HAUS2: variants seen among roughly 807,000 people sequenced by gnomAD.
HAUS2 encodes HAUS augmin-like complex subunit 2.
Under a neutral mutation model 21.6 loss-of-function variants are expected in HAUS2, and 20 were observed. The observed-to-expected ratio is 0.93, with a 90% confidence interval of 0.65 to 1.35. The LOEUF is 1.35. Ranked by LOEUF, HAUS2 falls within the 40% of genes most tolerant of loss-of-function variation. The pLI, the probability that HAUS2 is intolerant of heterozygous loss-of-function variation, is 0.00. For synonymous variants in HAUS2, 113 were observed against 95.6 expected (o/e 1.18, Z -1.06); for missense variants, 297 against 280.7 (o/e 1.06, Z -0.42).
intron 5 of HAUS2, among the ~76,000 whole-genome samples, chr15:42,564,322 T>TA (rs1187372290): frequency 1.3e-5 from 2 of 151,790 alleles, no homozygotes; most frequent in Non-Finnish European, 2.9e-5. Context: ...ACCTTGGATT[T>TA]AACATTTTCT....
rs2057937412 is a variant in HAUS2, at chr15:42,569,293, TTTCC to T, written c.*2480_*2483del. On this transcript the variant is annotated 3_prime_UTR_variant, in exon 6 of 6. Coordinates refer to ENST00000260372, the MANE Select transcript of HAUS2 (RefSeq NM_018097.3). Reference sequence around the variant, plus strand: ...TTTTGTTTTTTGTTTTGTTCTTTTCTTTCCTTTTTTTTTTTTTTTTTTTAAAGAC... The same window carrying T: ...TTTTGTTTTTTGTTTTGTTCTTTTCTTTTTTTTTTTTTTTTTTTTAAAGAC... 1.3e-5 allele frequency: 2 copies of T among 148,322 alleles called. No individual in the cohort carries two copies. Among genetic ancestry groups the T allele is most frequent in the African/African-American group, 2.6e-5 (1 of 39,020 alleles). 9.2% of individuals were successfully genotyped at this position (148,322 alleles called of 1,614,324 possible).
At chr15:42,550,042 A>T (rs1300004464) in intron 1 of HAUS2, among the ~76,000 whole-genome samples, 1 of 152,122 alleles carries the variant, frequency 6.6e-6, no homozygotes, top group Non-Finnish European at 1.5e-5. Context: ...AAATTTTGAT[A>T]TATAGAGGAA....
intron 1 of HAUS2, among the ~76,000 whole-genome samples, chr15:42,553,914 C>G (rs967943955): frequency 6.6e-6 from 1 of 152,250 alleles, no homozygotes; most frequent in Admixed American, 6.5e-5. Context: ...TGTGTTCTCA[C>G]TTCCATCTTG....
At chr15:42,560,056 G>A (rs1480010300) in intron 3 of HAUS2, among the ~76,000 whole-genome samples, 2 of 152,190 alleles carry the variant, frequency 1.3e-5, no homozygotes, top group African/African-American at 4.8e-5. Context: ...ATGAAAGGCT[G>A]AGGCAGAAGG....
chr15:42,554,375 C>T (rs1478028762), intron 1 of HAUS2, among the ~76,000 whole-genome samples: 2 of 151,910 alleles, frequency 1.3e-5, no homozygotes. Flanking sequence ...ATTTACTATA[C>T]TCAATATTGT....
At chr15:42,556,631 C>T (rs2141595661) in intron 1 of HAUS2, among the ~76,000 whole-genome samples, 2 of 152,220 alleles carry the variant, frequency 1.3e-5, no homozygotes, top group South Asian at 4.1e-4. Flanking sequence ...ATGCCTGGTT[C>T]ACAGGCTGTA....
chr15:42,556,122 AT>A (rs760982814), intron 1 of HAUS2, among the ~76,000 whole-genome samples: 405 of 133,526 alleles, frequency 3.0e-3, no homozygotes, highest in Admixed American at 3.3e-3. Flanking sequence ...CGCCTGGCTA[AT>A]TTTTTTTTTT....
intron 3 of HAUS2, chr15:42,560,691 A>G: frequency 7.7e-6 from 5 of 650,120 alleles, no homozygotes; most frequent in Non-Finnish European, 1.1e-5. Flanking sequence ...TAACTTCAAC[A>G]CGTGGTTTCA....
chr15:42,552,455 C>T (rs766412474), intron 1 of HAUS2, among the ~76,000 whole-genome samples: 11 of 152,108 alleles, frequency 7.2e-5, no homozygotes, highest in Non-Finnish European at 1.3e-4. Context: ...TATTGAGTTC[C>T]TGCTGGCAAG....
chr15:42,558,808 A>G (rs2057817407), intron 2 of HAUS2, among the ~76,000 whole-genome samples: 1 of 152,006 alleles, frequency 6.6e-6, no homozygotes, highest in South Asian at 2.1e-4. Flanking sequence ...AAATTTTAAA[A>G]GTAACCAGAC....
chr15:42,553,394 C>G (rs1005989750), intron 1 of HAUS2, among the ~76,000 whole-genome samples: 2 of 152,044 alleles, frequency 1.3e-5, no homozygotes, highest in Non-Finnish European at 2.9e-5. Context: ...GTTCTTTTGC[C>G]CTTTGGGGCA....
intron 2 of HAUS2, among the ~76,000 whole-genome samples, chr15:42,558,790 T>A (rs1336969390): frequency 1.3e-5 from 2 of 152,062 alleles, no homozygotes; most frequent in East Asian, 4.0e-4. Context: ...AGATCCCGTC[T>A]CTACAAAAAA....
intron 1 of HAUS2, among the ~76,000 whole-genome samples, chr15:42,555,981 C>G (rs930901704): frequency 2.0e-5 from 3 of 152,118 alleles, no homozygotes; most frequent in East Asian, 3.8e-4. Context: ...GAGTTTCGCT[C>G]TGTCACCCAG....
intron 2 of HAUS2, among the ~76,000 whole-genome samples, chr15:42,558,561 C>A (rs879289438): frequency 6.6e-6 from 1 of 151,760 alleles, no homozygotes; most frequent in Non-Finnish European, 1.5e-5. Flanking sequence ...TCTCCTGACC[C>A]CATGATCTGC....
chr15:42,563,751 A>T lies in HAUS2; in HGVS notation c.392A>T (p.Tyr131Phe). ...TGACTTTTTTCTTTCTCTTTCAGAT[A>T]TATGGTACATTTGCTGGAGTTGGCT... ...NLPIEAVYHR[Y>F]MVHLLELAVT... is the part of the protein sequence containing the mutation. Residue 131 changes from tyrosine to phenylalanine, a missense_variant and splice_region_variant, in exon 5 of 6, where the codon TAT becomes TTT. Tyr to Phe is a conservative substitution (Grantham distance 22). Transcript: ENST00000260372. The T allele has an allele frequency of 6.8e-7, 1 of 1,465,706 alleles. No homozygotes were observed. Among genetic ancestry groups the T allele is most frequent in the Non-Finnish European group, 9.5e-7 (1 of 1,047,278 alleles). 90.8% of individuals were successfully genotyped at this position (1,465,706 alleles called of 1,614,324 possible).
intron 1 of HAUS2, among the ~76,000 whole-genome samples, chr15:42,556,176 G>A (rs1036339610): frequency 3.4e-5 from 5 of 147,024 alleles, no homozygotes; most frequent in Non-Finnish European, 7.4e-5. Flanking sequence ...TGGCCAGGCT[G>A]GTCTCAAACT....
intron 1 of HAUS2, among the ~76,000 whole-genome samples, chr15:42,549,233 C>G (rs1178921131): frequency 6.6e-6 from 1 of 152,110 alleles, no homozygotes; most frequent in Non-Finnish European, 1.5e-5. Context: ...GGAGATTAGA[C>G]TGTTACCAGC....
At chr15:42,550,982 TTTTTC>T (rs1203791759) in intron 1 of HAUS2, among the ~76,000 whole-genome samples, 17 of 141,254 alleles carry the variant, frequency 1.2e-4, no homozygotes, top group African/African-American at 4.2e-4. Flanking sequence ...CTGTATTTTC[TTTTTC>T]TTTTCTTTTC....
intron 3 of HAUS2, 90 bp downstream of exon 3, chr15:42,559,498 C>T (rs1387560617): frequency 4.0e-6 from 3 of 752,184 alleles, no homozygotes; most frequent in Non-Finnish European, 7.2e-6. Flanking sequence ...AATTATGATA[C>T]ACCATCATTT....
Sources: allele counts gnomAD v4.1 joint callset (sites outside exome capture counted in the v4.1 genomes callset), GRCh38; gene constraint gnomAD v4.1.1; transcripts MANE v1.5; gene names NCBI Gene and HGNC (gene_info 2026-07-23, HGNC 2026-07-21).